SEMA6D: variants seen among roughly 807,000 people sequenced by gnomAD.
The protein encoded by SEMA6D is semaphorin 6D.
SEMA6D carries 35 observed loss-of-function variants against 106.6 expected under a neutral mutation model. The ratio of observed to expected loss-of-function variants is 0.33; its 90% CI spans 0.25 to 0.44. SEMA6D has a LOEUF of 0.44. Among genes scored for constraint, SEMA6D ranks in the 20% least tolerant of loss-of-function variants. SEMA6D has a pLI of 1.00. For missense variants in SEMA6D, 1,185 were observed against 1,345.9 expected (o/e 0.88, Z 1.87); for synonymous variants, 499 against 487.7 (o/e 1.02, Z -0.31).
chr15:47,384,791 A>G (rs76252973), intron 1 of SEMA6D, among the ~76,000 whole-genome samples: 3,944 of 137,640 alleles, frequency 0.029, 77 homozygotes, highest in South Asian at 0.1. Flanking sequence ...TATCTATTTC[A>G]GAATTAACAT....
At chr15:47,325,365 G>C (rs28612667) in intron 1 of SEMA6D, among the ~76,000 whole-genome samples, 2 of 152,000 alleles carry the variant, frequency 1.3e-5, no homozygotes, top group Non-Finnish European at 2.9e-5. Context: ...TAGAGACGAG[G>C]TTTGGTCATG....
At chr15:47,524,114 A>G (rs1478288051) in intron 3 of SEMA6D, among the ~76,000 whole-genome samples, 1 of 152,198 alleles carries the variant, frequency 6.6e-6, no homozygotes, top group African/African-American at 2.4e-5. Context: ...ATCTATTGCC[A>G]CCGATACAAA....
At chr15:47,422,244 T>C (rs1031217262) in intron 2 of SEMA6D, among the ~76,000 whole-genome samples, 1 of 151,066 alleles carries the variant, frequency 6.6e-6, no homozygotes, top group African/African-American at 2.4e-5. Context: ...CATTTTCTTA[T>C]AACTGCATAT....
intron 2 of SEMA6D, among the ~76,000 whole-genome samples, chr15:47,424,521 A>G (rs1311015272): frequency 6.6e-6 from 1 of 152,172 alleles, no homozygotes; most frequent in Admixed American, 6.6e-5. Context: ...AAGTAAGTTC[A>G]GAATAAATAT....
intron 2 of SEMA6D, among the ~76,000 whole-genome samples, chr15:47,432,871 T>C (rs541960782): frequency 1.3e-5 from 2 of 152,136 alleles, no homozygotes; most frequent in African/African-American, 2.4e-5. Context: ...ATTTTTAAGA[T>C]GTAAAAATTA....
rs1206716792 is a variant in SEMA6D at position 47,422,132 on chromosome 15, GATTTA to G, written c.-159+9667_-159+9671del. Among the ~76,000 whole-genome samples the G allele has an allele frequency of 3.4e-5, 5 of 148,658 alleles. No homozygotes were observed. The East Asian group carries it at 1.0e-3, about 30-fold the overall frequency. ...AGAGGATGAAAACCAAAGGTCAGGTGATTTAATTTAAAATTAACACTCTTATTTTT... is the reference window on the plus strand; with the variant it reads ...AGAGGATGAAAACCAAAGGTCAGGTGATTTAAAATTAACACTCTTATTTTT... On this transcript the variant is annotated intron_variant, in intron 2 of 19. Transcript: ENST00000558014.
chr15:47,360,619 G>T (rs17289269), intron 1 of SEMA6D, among the ~76,000 whole-genome samples: 26,811 of 152,140 alleles, frequency 0.18, 3,299 homozygotes, highest in Non-Finnish European at 0.25. Context: ...GAGAGCAAGG[G>T]TGTCCTGTTT....
intron 1 of SEMA6D, among the ~76,000 whole-genome samples, chr15:47,381,443 A>G (rs2039638838): frequency 6.6e-6 from 1 of 152,210 alleles, no homozygotes; most frequent in South Asian, 2.1e-4. Flanking sequence ...AGTGACGCCT[A>G]TAGCATAGTT....
chr15:47,539,991 C>G (rs2045304731), intron 3 of SEMA6D, among the ~76,000 whole-genome samples: 1 of 152,068 alleles, frequency 6.6e-6, no homozygotes, highest in Non-Finnish European at 1.5e-5. Context: ...GTCTGGAAAA[C>G]TACTCATGCA....
intron 1 of SEMA6D, among the ~76,000 whole-genome samples, chr15:47,250,708 C>G (rs1377898588): frequency 6.6e-6 from 1 of 152,108 alleles, no homozygotes; most frequent in African/African-American, 2.4e-5. Context: ...GAAAGATGTG[C>G]CGTAGAAAGT....
intron 1 of SEMA6D, among the ~76,000 whole-genome samples, chr15:47,720,261 CTTTTTTTT>C (rs869122623): frequency 2.8e-4 from 27 of 97,154 alleles, no homozygotes; most frequent in African/African-American, 8.9e-4. Context: ...AATAACCTTT[CTTTTTTTT>C]TTTTTTTTTT....
chr15:47,224,174 A>T (rs914832778), intron 1 of SEMA6D, among the ~76,000 whole-genome samples: 2 of 149,192 alleles, frequency 1.3e-5, no homozygotes, highest in East Asian at 1.9e-4. Context: ...AGAAAAAAAA[A>T]TAATAAAATA....
intron 1 of SEMA6D, among the ~76,000 whole-genome samples, chr15:47,392,396 C>T (rs933577113): frequency 6.6e-6 from 1 of 152,024 alleles, no homozygotes; most frequent in Admixed American, 6.6e-5. Context: ...CCTGGATTAC[C>T]TGGGTGAGCT....
chr15:47,621,965 T>C (rs1235299546), intron 4 of SEMA6D, among the ~76,000 whole-genome samples: 3 of 152,094 alleles, frequency 2.0e-5, no homozygotes, highest in African/African-American at 7.2e-5. Flanking sequence ...TGAAAGCTAG[T>C]GGTTGCTGTC....
chr15:47,337,522 A>T (rs915065934), intron 1 of SEMA6D, among the ~76,000 whole-genome samples: 1 of 152,204 alleles, frequency 6.6e-6, no homozygotes, highest in Non-Finnish European at 1.5e-5. Context: ...TTTAAAAAAA[A>T]CAGAATATAT....
At chr15:47,578,054 T>C (rs11638931) in intron 3 of SEMA6D, among the ~76,000 whole-genome samples, 37,823 of 152,108 alleles carry the variant, frequency 0.25, 5,371 homozygotes, top group East Asian at 0.46. Context: ...TTCCTCCAGG[T>C]AACCTTCTGA....
At chr15:47,267,363 T>C (rs924484428) in intron 1 of SEMA6D, among the ~76,000 whole-genome samples, 1 of 152,062 alleles carries the variant, frequency 6.6e-6, no homozygotes, top group African/African-American at 2.4e-5. Flanking sequence ...TACCTTTTTT[T>C]CTTTATCCTC....
At chr15:47,649,925 T>C (rs894701486) in intron 4 of SEMA6D, among the ~76,000 whole-genome samples, 2 of 152,170 alleles carry the variant, frequency 1.3e-5, no homozygotes, top group African/African-American at 4.8e-5. Flanking sequence ...GAAGTATGGG[T>C]TACACTGAAA....
At chr15:47,677,946 C>T (rs2078277548) in intron 4 of SEMA6D, among the ~76,000 whole-genome samples, 1 of 152,012 alleles carries the variant, frequency 6.6e-6, no homozygotes, top group South Asian at 2.1e-4. Flanking sequence ...CATTATAATT[C>T]AACTAAATTA....
Sources: gnomAD v4.1 joint callset for allele counts (sites outside exome capture counted in the v4.1 genomes callset) on GRCh38, gnomAD v4.1.1 for gene constraint, MANE v1.5 for transcripts, NCBI Gene and HGNC (gene_info 2026-07-23, HGNC 2026-07-21) for gene names.